CNTNAP2: variants seen among roughly 807,000 people sequenced by gnomAD.
The protein encoded by CNTNAP2 is contactin associated protein 2.
Under a neutral mutation model 155.2 loss-of-function variants are expected in CNTNAP2, and 98 were observed. That is an observed-to-expected ratio of 0.63 (90% CI 0.54 to 0.75). The LOEUF is 0.75. Among genes scored for constraint, CNTNAP2 ranks in the 30% least tolerant of loss-of-function variants. CNTNAP2 has a pLI of 0.00. For synonymous variants in CNTNAP2, 651 were observed against 631.2 expected, an observed-to-expected ratio of 1.03 and a Z score of -0.47; for missense variants, 1,727 against 1,688.1, an observed-to-expected ratio of 1.02 and a Z score of -0.40.
chr7:147,718,062 C>A lies in CNTNAP2; in HGVS notation c.2098+78756C>A, dbSNP rs941550872. 2.0e-5 allele frequency among the ~76,000 whole-genome samples: 3 copies of A among 152,036 alleles called. No homozygotes were observed. In the East Asian group the frequency reaches 5.8e-4, roughly 29 times the overall value. The stretch of plus-strand genomic sequence containing the variant: ...AAATCAAGGATAAATTCATAGTCAT[C>A]TTTGTAATCATATTGCTTGATATAG... On this transcript the variant is annotated intron_variant, in intron 13 of 23. Transcript: ENST00000361727.
Position 146,332,650 on chromosome 7 carries a change from C to T in CNTNAP2, c.97+215677C>T, listed in dbSNP as rs142939483. Among the ~76,000 whole-genome samples the T allele has an allele frequency of 6.2e-4, 95 of 152,218 alleles. 1 individual carries two copies. Among genetic ancestry groups the T allele is most frequent in the African/African-American group, 2.1e-3 (89 of 41,544 alleles). ...TATATCTATGAAAGTCAAAGTGAAT[C>T]GTTAATACAGGCTTCCATTGTCTAT... is the stretch of plus-strand genomic sequence containing the variant. On this transcript the variant is annotated intron_variant, in intron 1 of 23. Transcript: ENST00000361727.
intron 9 of CNTNAP2, among the ~76,000 whole-genome samples, chr7:147,330,745 T>A (rs1795546413): frequency 6.6e-6 from 1 of 152,164 alleles, no homozygotes; most frequent in African/African-American, 2.4e-5. Context: ...CATCCTTGGC[T>A]TCACCCTGAA....
intron 13 of CNTNAP2, among the ~76,000 whole-genome samples, chr7:147,848,669 G>A (rs958024101): frequency 6.6e-6 from 1 of 151,830 alleles, no homozygotes; most frequent in Non-Finnish European, 1.5e-5. Flanking sequence ...AATTTGGCCT[G>A]TCTGAATTTC....
intron 1 of CNTNAP2, among the ~76,000 whole-genome samples, chr7:146,720,601 C>T (rs1585057204): frequency 6.6e-6 from 1 of 152,054 alleles, no homozygotes; most frequent in East Asian, 1.9e-4. Context: ...ATGGTGATTA[C>T]AATGTTCAAA....
intron 1 of CNTNAP2, among the ~76,000 whole-genome samples, chr7:146,345,670 T>C (rs1412554559): frequency 5.9e-5 from 9 of 152,212 alleles, no homozygotes; most frequent in East Asian, 5.8e-4. Flanking sequence ...ACTTTCAATA[T>C]GCAATTTTAA....
chr7:146,226,790 A>G (rs1799299438), intron 1 of CNTNAP2, among the ~76,000 whole-genome samples: 1 of 152,214 alleles, frequency 6.6e-6, no homozygotes, highest in Non-Finnish European at 1.5e-5. Context: ...CATAATTATT[A>G]GTAATCTAAA....
intron 8 of CNTNAP2, among the ~76,000 whole-genome samples, chr7:147,279,239 A>G (rs188808104): frequency 6.6e-6 from 1 of 151,840 alleles, no homozygotes; most frequent in African/African-American, 2.4e-5. Flanking sequence ...TCCAGTTAAA[A>G]ATAATCATCT....
At chr7:147,525,811 G>A (rs900755219) in intron 11 of CNTNAP2, among the ~76,000 whole-genome samples, 7 of 152,074 alleles carry the variant, frequency 4.6e-5, no homozygotes, top group African/African-American at 1.7e-4. Context: ...CCGATATGTT[G>A]TTTCCTAAAT....
chr7:147,366,230 C>T (rs1796227440), intron 9 of CNTNAP2, among the ~76,000 whole-genome samples: 1 of 152,102 alleles, frequency 6.6e-6, no homozygotes, highest in African/African-American at 2.4e-5. Context: ...ATAGGATTCT[C>T]ATTAGCTTTT....
chr7:147,480,057 G>A (rs578108619), intron 10 of CNTNAP2, among the ~76,000 whole-genome samples: 53 of 152,198 alleles, frequency 3.5e-4, no homozygotes, highest in African/African-American at 1.3e-3. Context: ...ATATTGTTGA[G>A]ATCAACATAG....
chr7:147,866,757 T>TC (rs1554443338), intron 13 of CNTNAP2, among the ~76,000 whole-genome samples: 1 of 88,064 alleles, frequency 1.1e-5, no homozygotes, highest in Non-Finnish European at 2.5e-5. Flanking sequence ...CCTGTTTTTT[T>TC]TTTGTTTTTT....
chr7:147,253,818 G>C (rs556889665), intron 8 of CNTNAP2, among the ~76,000 whole-genome samples: 1 of 152,290 alleles, frequency 6.6e-6, no homozygotes, highest in African/African-American at 2.4e-5. Context: ...GTGTACTTAA[G>C]AGTGCCATTT....
At chr7:146,404,146 A>T (rs1268955763) in intron 1 of CNTNAP2, among the ~76,000 whole-genome samples, 1 of 151,006 alleles carries the variant, frequency 6.6e-6, no homozygotes, top group Non-Finnish European at 1.5e-5. Flanking sequence ...AAAAAAACAA[A>T]GAACTTGGCC....
At chr7:147,031,869 G>C (rs117544104) in intron 3 of CNTNAP2, among the ~76,000 whole-genome samples, 8,649 of 152,308 alleles carry the variant, frequency 0.057, 332 homozygotes, top group Middle Eastern at 0.13. Flanking sequence ...TGTGAGTTGA[G>C]ACCATGCCAC....
chr7:147,304,370 A>G (rs1269548430), intron 9 of CNTNAP2, among the ~76,000 whole-genome samples: 2 of 152,316 alleles, frequency 1.3e-5, no homozygotes, highest in East Asian at 3.9e-4. Flanking sequence ...AGAATGTTAA[A>G]CACAATAATT....
chr7:147,914,543 C>CAA (rs533915488), intron 14 of CNTNAP2, among the ~76,000 whole-genome samples: 12 of 85,800 alleles, frequency 1.4e-4, no homozygotes, highest in African/African-American at 4.0e-4. Flanking sequence ...TCCATCTAAC[C>CAA]AAAAAAAAAA....
At chr7:146,373,405 T>TACACACACACACACAC (rs3050924) in intron 1 of CNTNAP2, among the ~76,000 whole-genome samples, 12 of 143,642 alleles carry the variant, frequency 8.4e-5, no homozygotes, top group African/African-American at 3.0e-4. Flanking sequence ...ACTTAACACA[T>TACACACACACACACAC]ACACACACAC....
intron 21 of CNTNAP2, among the ~76,000 whole-genome samples, chr7:148,324,808 G>C (rs923791512): frequency 2.4e-5 from 1 of 42,474 alleles, no homozygotes; most frequent in African/African-American, 8.3e-5. Flanking sequence ...AAAAAAAAAA[G>C]AGTAGGGATT....
At chr7:146,144,139 A>ATATTTATTTATTTATT (rs531251321) in intron 1 of CNTNAP2, among the ~76,000 whole-genome samples, 4 of 151,414 alleles carry the variant, frequency 2.6e-5, no homozygotes, top group African/African-American at 9.8e-5. Context: ...ACTTCCTAAA[A>ATATTTATTTATTTATT]TATTTATTTA....
Sources: allele counts gnomAD v4.1 joint callset (sites outside exome capture counted in the v4.1 genomes callset), GRCh38; gene constraint gnomAD v4.1.1; transcripts MANE v1.5; gene names NCBI Gene and HGNC (gene_info 2026-07-23, HGNC 2026-07-21).